The following GPC6 variants were observed in gnomAD, a reference collection of about 807,000 sequenced individuals.
GPC6 encodes glypican 6.
Under a neutral mutation model 55.2 loss-of-function variants are expected in GPC6, and 14 were observed. The observed-to-expected ratio is 0.25, with a 90% CI of 0.17 to 0.40. GPC6 has a LOEUF of 0.40. GPC6 is among the 10% of genes least tolerant of loss of function. The pLI is 1.00. For missense variants in GPC6, 641 were observed against 708.5 expected, an observed-to-expected ratio of 0.90 and a Z score of 1.08; for synonymous variants, 278 against 259.6, an observed-to-expected ratio of 1.07 and a Z score of -0.68.
At chr13:94,202,280 G>A (rs745985303) in intron 4 of GPC6, among the ~76,000 whole-genome samples, 1 of 152,202 alleles carries the variant, frequency 6.6e-6, no homozygotes, top group Non-Finnish European at 1.5e-5. Flanking sequence ...AGATGTGTAA[G>A]TTCTCTAAGA....
At chr13:93,239,898 T>C (rs61963746) in intron 1 of GPC6, among the ~76,000 whole-genome samples, 23,368 of 152,050 alleles carry the variant, frequency 0.15, 2,049 homozygotes, top group Middle Eastern at 0.25. Context: ...CTAAAAGTCC[T>C]TCAGGAGCAG....
chr13:93,913,620 C>T (rs1423849400), intron 3 of GPC6, among the ~76,000 whole-genome samples: 2 of 152,050 alleles, frequency 1.3e-5, no homozygotes, highest in Non-Finnish European at 2.9e-5. Flanking sequence ...TCCAGTATTT[C>T]CTCTTTAACA....
At chr13:93,276,495 A>AGTGTGTGTGT (rs71675979) in intron 1 of GPC6, among the ~76,000 whole-genome samples, 2 of 94,398 alleles carry the variant, frequency 2.1e-5, no homozygotes, top group Non-Finnish European at 4.2e-5. Flanking sequence ...AGAGAGAGAG[A>AGTGTGTGTGT]GTGTGTGTGT....
chr13:93,647,279 A>G (rs1290096863), intron 2 of GPC6, among the ~76,000 whole-genome samples: 4 of 152,126 alleles, frequency 2.6e-5, no homozygotes, highest in African/African-American at 9.7e-5. Flanking sequence ...TCTTTTTTCC[A>G]GCTAATTTTT....
chr13:93,984,303 T>G (rs1040458699), intron 3 of GPC6, among the ~76,000 whole-genome samples: 1 of 152,212 alleles, frequency 6.6e-6, no homozygotes, highest in Non-Finnish European at 1.5e-5. Flanking sequence ...GGGCATTGTT[T>G]GATGCATGAA....
At chr13:93,844,352 T>A (rs1431016554) in intron 3 of GPC6, among the ~76,000 whole-genome samples, 1 of 152,170 alleles carries the variant, frequency 6.6e-6, no homozygotes, top group African/African-American at 2.4e-5. Flanking sequence ...TTGGCCAGGA[T>A]GGTCTCGATC....
At chr13:93,594,176 T>C (rs115401175) in intron 2 of GPC6, among the ~76,000 whole-genome samples, 1,766 of 152,166 alleles carry the variant, frequency 0.012, 33 homozygotes, top group African/African-American at 0.04. Context: ...TTTTTATTTT[T>C]AGCTTTTAAG....
intron 6 of GPC6, among the ~76,000 whole-genome samples, chr13:94,331,863 T>C (rs1877439060): frequency 1.3e-5 from 2 of 152,234 alleles, no homozygotes; most frequent in Non-Finnish European, 2.9e-5. Flanking sequence ...CATTGGAATA[T>C]AGATATTAAG....
At chr13:93,563,189 T>C (rs901819628) in intron 2 of GPC6, among the ~76,000 whole-genome samples, 1 of 152,124 alleles carries the variant, frequency 6.6e-6, no homozygotes, top group African/African-American at 2.4e-5. Flanking sequence ...CAATATTGGA[T>C]ATGATCCACT....
chr13:93,613,346 G>T (rs1262368831), intron 2 of GPC6, among the ~76,000 whole-genome samples: 1 of 152,180 alleles, frequency 6.6e-6, no homozygotes, highest in Non-Finnish European at 1.5e-5. Flanking sequence ...AGGACTAAAG[G>T]TGGTGGGGAG....
At chr13:93,391,807 A>T (rs1473138409) in intron 1 of GPC6, among the ~76,000 whole-genome samples, 1 of 151,698 alleles carries the variant, frequency 6.6e-6, no homozygotes, top group Non-Finnish European at 1.5e-5. Context: ...GGCTACATTC[A>T]CTCTGGCAGA....
At chr13:93,832,064 T>TG (rs1256299920) in intron 3 of GPC6, among the ~76,000 whole-genome samples, 3 of 107,500 alleles carry the variant, frequency 2.8e-5, no homozygotes, top group African/African-American at 1.1e-4. Flanking sequence ...CACTCCAGCC[T>TG]GGGTGACAGA....
chr13:93,700,846 G>C (rs1882642239), intron 2 of GPC6, among the ~76,000 whole-genome samples: 1 of 152,082 alleles, frequency 6.6e-6, no homozygotes, highest in South Asian at 2.1e-4. Flanking sequence ...CATTTACTTG[G>C]AAGAGAGGAG....
chr13:93,985,953 C>T (rs1423549778), intron 3 of GPC6, among the ~76,000 whole-genome samples: 1 of 151,882 alleles, frequency 6.6e-6, no homozygotes, highest in African/African-American at 2.4e-5. Context: ...TCTTTTTCAC[C>T]AGTTGTGACA....
intron 5 of GPC6, among the ~76,000 whole-genome samples, chr13:94,288,272 T>C (rs924041831): frequency 6.6e-6 from 1 of 152,160 alleles, no homozygotes; most frequent in Non-Finnish European, 1.5e-5. Flanking sequence ...TCACTTATTA[T>C]ATATTTTTTT....
intron 2 of GPC6, among the ~76,000 whole-genome samples, chr13:93,726,174 T>G (rs1453328324): frequency 2.0e-5 from 3 of 148,692 alleles, no homozygotes. Flanking sequence ...TGCCCACTTA[T>G]GGAGGCTATT....
intron 2 of GPC6, among the ~76,000 whole-genome samples, chr13:93,785,325 C>G (rs1485644325): frequency 6.6e-6 from 1 of 152,110 alleles, no homozygotes; most frequent in Non-Finnish European, 1.5e-5. Flanking sequence ...TATAGTCTTT[C>G]AAAAACTTCT....
intron 1 of GPC6, among the ~76,000 whole-genome samples, chr13:93,330,917 G>A (rs1255591047): frequency 3.9e-5 from 6 of 151,934 alleles, no homozygotes; most frequent in Admixed American, 3.3e-4. Context: ...ACTTTTTTTG[G>A]CTATAGACTT....
chr13:93,758,578 T>A (rs1884855454), intron 2 of GPC6, among the ~76,000 whole-genome samples: 2 of 152,132 alleles, frequency 1.3e-5, no homozygotes, highest in Non-Finnish European at 2.9e-5. Context: ...AATATATATA[T>A]AAACTTTTGT....
Sources: allele counts gnomAD v4.1 joint callset (sites outside exome capture counted in the v4.1 genomes callset), GRCh38; gene constraint gnomAD v4.1.1; transcripts MANE v1.5; gene names NCBI Gene and HGNC (gene_info 2026-07-23, HGNC 2026-07-21).